Variants in LRMDA observed in about 807,000 individuals in gnomAD.
The protein encoded by LRMDA is leucine-rich melanocyte differentiation-associated protein.
A neutral mutation model predicts 29.8 loss-of-function variants in LRMDA; 18 were observed. The observed-to-expected ratio is 0.60, with a 90% confidence interval of 0.42 to 0.90. The LOEUF (loss-of-function observed/expected upper bound fraction) is 0.90. Ranked by LOEUF, LRMDA falls within the 40% of genes least tolerant of loss-of-function variation. The probability of loss-of-function intolerance (pLI) is 0.00; values close to 1 mark genes in which losing one functional copy is unlikely to be tolerated. For synonymous variants in LRMDA, 125 were observed against 109.4 expected (o/e 1.14, Z -0.89); for missense variants, 273 against 273.9 (o/e 1.00, Z 0.02).
chr10:76,121,429 G>C (rs966447709), intron 5 of LRMDA, among the ~76,000 whole-genome samples: 3 of 152,194 alleles, frequency 2.0e-5, no homozygotes, highest in African/African-American at 7.2e-5. Context: ...GCTTCCAAAA[G>C]GCTGAGGCCA....
Position 75,946,122 on chromosome 10 carries a change from C to T in LRMDA, c.132-89886C>T, listed in dbSNP as rs183084976. ...AGTAAGACCAGCTGGAGAAGGAGCA[C>T]CATCGTGGGCCATTACTGGACTGCT... On this transcript the variant is annotated intron_variant, in intron 2 of 6. Coordinates refer to ENST00000611255, the MANE Select transcript of LRMDA (RefSeq NM_001305581.2). Among the ~76,000 whole-genome samples, 27 of 152,312 alleles carry T rather than the reference C, an allele frequency of 1.8e-4. No homozygotes were observed. In the East Asian group the frequency reaches 3.7e-3, roughly 21 times the overall value.
At chr10:75,546,340 T>C (rs1258740898) in intron 2 of LRMDA, among the ~76,000 whole-genome samples, 1 of 152,194 alleles carries the variant, frequency 6.6e-6, no homozygotes, top group African/African-American at 2.4e-5. Flanking sequence ...GAATGTTTAA[T>C]GGTAGAGGAA....
At chr10:76,484,669 T>C (rs1403489570) in intron 6 of LRMDA, among the ~76,000 whole-genome samples, 1 of 151,950 alleles carries the variant, frequency 6.6e-6, no homozygotes, top group Non-Finnish European at 1.5e-5. Context: ...TTTTATGTAG[T>C]TTTCTGTAAA....
At chr10:76,203,344 G>A (rs1478120309) in intron 5 of LRMDA, among the ~76,000 whole-genome samples, 1 of 152,190 alleles carries the variant, frequency 6.6e-6, no homozygotes, top group Non-Finnish European at 1.5e-5. Context: ...CACTCACTGT[G>A]TTGCCCAGGC....
intron 2 of LRMDA, among the ~76,000 whole-genome samples, chr10:76,007,988 G>C (rs1035562403): frequency 2.6e-5 from 4 of 152,198 alleles, no homozygotes; most frequent in African/African-American, 9.7e-5. Flanking sequence ...GAACTGTGGG[G>C]ATACTTGGCT....
intron 6 of LRMDA, among the ~76,000 whole-genome samples, chr10:76,353,747 C>G (rs1841206848): frequency 6.6e-6 from 1 of 152,102 alleles, no homozygotes; most frequent in Admixed American, 6.6e-5. Context: ...AAGCTCATTC[C>G]AGGTGCTGGC....
chr10:76,226,591 G>GAAAAC (rs1369528756), intron 5 of LRMDA, among the ~76,000 whole-genome samples: 15 of 152,102 alleles, frequency 9.9e-5, no homozygotes, highest in African/African-American at 3.4e-4. Context: ...CTGCAAAAAA[G>GAAAAC]AAAAGAAAAC....
intron 2 of LRMDA, among the ~76,000 whole-genome samples, chr10:75,506,076 G>A (rs1845165664): frequency 6.6e-6 from 1 of 152,162 alleles, no homozygotes; most frequent in Admixed American, 6.5e-5. Context: ...TGTTTTCAGG[G>A]CAGAAGTCAA....
intron 5 of LRMDA, among the ~76,000 whole-genome samples, chr10:76,128,298 T>C (rs1849921829): frequency 6.6e-6 from 1 of 152,176 alleles, no homozygotes; most frequent in African/African-American, 2.4e-5. Context: ...CGCCGCAGTG[T>C]TCCTGCTGGA....
intron 5 of LRMDA, among the ~76,000 whole-genome samples, chr10:76,208,799 A>G (rs150778060): frequency 2.0e-5 from 3 of 151,438 alleles, no homozygotes; most frequent in African/African-American, 7.3e-5. Flanking sequence ...CTTTCACCAC[A>G]CTCTGCTCAG....
intron 2 of LRMDA, among the ~76,000 whole-genome samples, chr10:75,920,260 C>T (rs1391095706): frequency 6.6e-6 from 1 of 152,136 alleles, no homozygotes; most frequent in East Asian, 1.9e-4. Context: ...CCAAAAGATC[C>T]GGATTTGAGA....
intron 5 of LRMDA, among the ~76,000 whole-genome samples, chr10:76,169,394 A>AT (rs1157396269): frequency 1.3e-5 from 2 of 152,170 alleles, no homozygotes; most frequent in African/African-American, 4.8e-5. Flanking sequence ...TCCCTCACAG[A>AT]TGGCAGTGCC....
chr10:75,582,708 C>T, intron 2 of LRMDA, among the ~76,000 whole-genome samples: 1 of 152,212 alleles, frequency 6.6e-6, no homozygotes, highest in Admixed American at 6.5e-5. Context: ...TGAATTTCTC[C>T]CCTGAAAATG....
At chr10:76,019,122 T>C (rs1483211717) in intron 2 of LRMDA, among the ~76,000 whole-genome samples, 1 of 152,156 alleles carries the variant, frequency 6.6e-6, no homozygotes, top group Non-Finnish European at 1.5e-5. Flanking sequence ...AATTTTATGG[T>C]CATCTTACCC....
intron 5 of LRMDA, among the ~76,000 whole-genome samples, chr10:76,219,453 A>T (rs2132255661): frequency 6.6e-6 from 1 of 152,310 alleles, no homozygotes; most frequent in Admixed American, 6.5e-5. Context: ...AAAAAAAGGC[A>T]GGGGTTGCAA....
At chr10:76,267,529 A>G (rs1213299878) in intron 5 of LRMDA, among the ~76,000 whole-genome samples, 1 of 152,140 alleles carries the variant, frequency 6.6e-6, no homozygotes, top group African/African-American at 2.4e-5. Context: ...TTCTGCCTCT[A>G]TGAATTTGCC....
At chr10:75,898,610 GA>G (rs532942314) in intron 2 of LRMDA, among the ~76,000 whole-genome samples, 84 of 140,910 alleles carry the variant, frequency 6.0e-4, no homozygotes, top group African/African-American at 2.0e-3. Context: ...ACTGCCCACT[GA>G]AAAAAAAAAC....
chr10:75,807,256 G>A (rs949124527), intron 2 of LRMDA, among the ~76,000 whole-genome samples: 1 of 152,134 alleles, frequency 6.6e-6, no homozygotes, highest in East Asian at 1.9e-4. Flanking sequence ...GCACAGGGAG[G>A]GAAAGCAGCA....
intron 2 of LRMDA, among the ~76,000 whole-genome samples, chr10:75,541,524 T>C (rs900694507): frequency 6.6e-6 from 1 of 151,956 alleles, no homozygotes; most frequent in African/African-American, 2.4e-5. Flanking sequence ...ACAAGTGAAA[T>C]TTATTTTTTA....
Sources: gnomAD v4.1 joint callset for allele counts (sites outside exome capture counted in the v4.1 genomes callset) on GRCh38, gnomAD v4.1.1 for gene constraint, MANE v1.5 for transcripts, NCBI Gene and HGNC (gene_info 2026-07-23, HGNC 2026-07-21) for gene names.